The following ATP8A2 variants were observed in gnomAD, a reference collection of about 807,000 sequenced individuals.
ATP8A2 encodes the protein ATPase phospholipid transporting 8A2, also known as phospholipid-transporting ATPase IB.
ATP8A2 carries 100 observed loss-of-function variants against 165.6 expected under a neutral mutation model. That is an observed-to-expected ratio of 0.60 (90% confidence interval 0.51 to 0.71). The LOEUF (loss-of-function observed/expected upper bound fraction) is 0.71, where lower values mean the gene tolerates loss of function less well. Among genes scored for constraint, ATP8A2 ranks in the 30% least tolerant of loss-of-function variants. The pLI is 0.00. For missense variants in ATP8A2, 1,227 were observed against 1,479.5 expected, an observed-to-expected ratio of 0.83 and a Z score of 2.80; for synonymous variants, 543 against 548.8, an observed-to-expected ratio of 0.99 and a Z score of 0.15.
At chr13:25,376,699 G>C (rs1451816214) in intron 1 of ATP8A2, among the ~76,000 whole-genome samples, 2 of 152,186 alleles carry the variant, frequency 1.3e-5, no homozygotes, top group Non-Finnish European at 2.9e-5. Context: ...CGTCATCTAA[G>C]GCAAAGTCCT....
Position 25,372,222 on chromosome 13 carries a change from G to C in ATP8A2, c.10G>C (p.Gly4Arg). MLN[G>R]AGLDKALKMS... is the part of the protein sequence containing the mutation. Reference sequence around the variant, plus strand: ...CCCCGACACGGGCGAGATGCTGAACGGCGCAGGCCTGGACAAAGCTCTTAA... The same window carrying C: ...CCCCGACACGGGCGAGATGCTGAACCGCGCAGGCCTGGACAAAGCTCTTAA... Residue 4 changes from glycine to arginine, a missense_variant, in exon 1 of 37, where the codon GGC becomes CGC. Transcript: ENST00000381655. This position sits in a 1 kb window ranked among gnomAD's most constrained non-coding sequence, Gnocchi z 4.8. 1.4e-6 allele frequency: 2 copies of C among 1,449,442 alleles called. No homozygotes were observed. The highest frequency in any genetic ancestry group is 2.7e-5 in the South Asian group (2 of 73,732). 89.8% of individuals were successfully genotyped at this position (1,449,442 alleles called of 1,614,324 possible).
chr13:26,016,253 C>A (rs1281144143), intron 36 of ATP8A2, among the ~76,000 whole-genome samples: 2 of 152,164 alleles, frequency 1.3e-5, no homozygotes, highest in Non-Finnish European at 2.9e-5. Flanking sequence ...CCAATGGGAA[C>A]TAGGGAGGAT....
intron 24 of ATP8A2, among the ~76,000 whole-genome samples, chr13:25,644,051 A>G (rs1383169085): frequency 6.6e-6 from 1 of 151,440 alleles, no homozygotes; most frequent in African/African-American, 2.4e-5. Context: ...CAGAATGTTC[A>G]TTGTTAGTGT....
chr13:25,731,325 A>AGG (rs1472106351), intron 25 of ATP8A2, among the ~76,000 whole-genome samples: 77 of 113,964 alleles, frequency 6.8e-4, no homozygotes, highest in Non-Finnish European at 1.3e-3. Context: ...AAGGAGAGAG[A>AGG]AAGAGAGAAA....
intron 30 of ATP8A2, among the ~76,000 whole-genome samples, chr13:25,848,505 C>T (rs1435631983): frequency 6.6e-6 from 1 of 152,172 alleles, no homozygotes; most frequent in Non-Finnish European, 1.5e-5. Flanking sequence ...TGGGCATTGG[C>T]AATCAAGTTT....
At chr13:25,829,668 G>GTGTATATATA (rs1312948758) in intron 28 of ATP8A2, among the ~76,000 whole-genome samples, 4 of 63,420 alleles carry the variant, frequency 6.3e-5, no homozygotes, top group African/African-American at 1.9e-4. Flanking sequence ...GACAGGTGTG[G>GTGTATATATA]TATATATATA....
chr13:25,466,879 G>C (rs2035683046), intron 1 of ATP8A2, among the ~76,000 whole-genome samples: 1 of 152,228 alleles, frequency 6.6e-6, no homozygotes, highest in Non-Finnish European at 1.5e-5. Flanking sequence ...ATCAGGTAAT[G>C]ATGATATCTG....
intron 2 of ATP8A2, among the ~76,000 whole-genome samples, chr13:25,525,841 A>T (rs1195360627): frequency 6.6e-6 from 1 of 152,116 alleles, no homozygotes; most frequent in Non-Finnish European, 1.5e-5. Flanking sequence ...CTGGATGTTT[A>T]TCTCTTTCTC....
intron 6 of ATP8A2, among the ~76,000 whole-genome samples, chr13:25,536,396 G>T (rs9581380): frequency 1.3e-5 from 2 of 152,062 alleles, no homozygotes; most frequent in African/African-American, 2.4e-5. Context: ...GATTATAGGC[G>T]TGAGCCACTG....
chr13:25,446,924 T>C lies in ATP8A2; in HGVS notation c.77-22053T>C, dbSNP rs75335807. ...AGGCTGGAGTGCAATGGCGCAACCA[T>C]GGCTCACTGCACCGTTGACCTCCCA... On this transcript the variant is annotated intron_variant, in intron 1 of 36. Coordinates refer to ENST00000381655, the MANE Select transcript of ATP8A2 (RefSeq NM_016529.6). Among the ~76,000 whole-genome samples the C allele has an allele frequency of 2.7e-3, 408 of 152,270 alleles. 1 individual carries two copies. The highest frequency in any genetic ancestry group is 9.6e-3 in the African/African-American group (397 of 41,548).
At chr13:25,402,829 T>C (rs2033680254) in intron 1 of ATP8A2, among the ~76,000 whole-genome samples, 1 of 152,184 alleles carries the variant, frequency 6.6e-6, no homozygotes, top group Admixed American at 6.5e-5. Flanking sequence ...TTAGACTAAG[T>C]AATTCATAAG....
chr13:25,747,859 AC>A (rs1454086840), intron 25 of ATP8A2, among the ~76,000 whole-genome samples: 1 of 152,192 alleles, frequency 6.6e-6, no homozygotes, highest in Non-Finnish European at 1.5e-5. Context: ...TGTAAAATGC[AC>A]CAAGTTTGAC....
At chr13:25,681,506 G>A (rs2042487156) in intron 24 of ATP8A2, among the ~76,000 whole-genome samples, 1 of 152,190 alleles carries the variant, frequency 6.6e-6, no homozygotes, top group African/African-American at 2.4e-5. Context: ...TGCAGGGTTA[G>A]GGCATTGGTG....
intron 35 of ATP8A2, among the ~76,000 whole-genome samples, chr13:26,000,953 C>A (rs578084397): frequency 1.3e-5 from 2 of 152,254 alleles, no homozygotes; most frequent in South Asian, 4.2e-4. Flanking sequence ...TGTTGTATAA[C>A]CATTACCACT....
intron 2 of ATP8A2, among the ~76,000 whole-genome samples, chr13:25,484,138 T>A (rs2036285859): frequency 1.3e-5 from 2 of 152,212 alleles, no homozygotes; most frequent in South Asian, 4.1e-4. Flanking sequence ...TGTGGATTGG[T>A]GTTAAATCAA....
intron 33 of ATP8A2, among the ~76,000 whole-genome samples, chr13:25,890,739 G>C (rs374741983): frequency 2.6e-5 from 4 of 152,300 alleles, no homozygotes; most frequent in South Asian, 4.1e-4. Flanking sequence ...GCCTTTTATT[G>C]CTAGAAATGA....
At chr13:25,650,889 T>C (rs74241244) in intron 24 of ATP8A2, among the ~76,000 whole-genome samples, 5,245 of 152,264 alleles carry the variant, frequency 0.034, 157 homozygotes, top group East Asian at 0.13. Context: ...TTGATTTTGT[T>C]TTAGGTATTT....
At chr13:25,730,909 T>C (rs572588677) in intron 25 of ATP8A2, among the ~76,000 whole-genome samples, 2 of 152,022 alleles carry the variant, frequency 1.3e-5, no homozygotes, top group African/African-American at 4.8e-5. Flanking sequence ...GACCTGTCTC[T>C]ACAAAAACTC....
chr13:25,915,826 TTAA>T (rs771119410), intron 33 of ATP8A2, among the ~76,000 whole-genome samples: 61 of 152,266 alleles, frequency 4.0e-4, no homozygotes, highest in Non-Finnish European at 6.8e-4. Flanking sequence ...CAAGTAAGGT[TTAA>T]TAAGTATTTA....
Sources: gnomAD v4.1 joint callset for allele counts (sites outside exome capture counted in the v4.1 genomes callset) on GRCh38, gnomAD v4.1.1 for gene constraint, Gnocchi (gnomAD v3.1) non-coding constraint, MANE v1.5 for transcripts, NCBI Gene and HGNC (gene_info 2026-07-23, HGNC 2026-07-21) for gene names.